Variants in UNC5C observed in about 807,000 individuals in gnomAD.
The protein encoded by UNC5C is netrin receptor UNC5C.
In UNC5C, 47 loss-of-function variants were observed where a neutral mutation model predicts 99.8. The observed-to-expected ratio is 0.47, with a 90% CI of 0.37 to 0.60. The LOEUF (loss-of-function observed/expected upper bound fraction) is 0.60. UNC5C is among the 20% of genes least tolerant of loss of function. The probability of loss-of-function intolerance (pLI) is 0.00; values close to 1 mark genes in which losing one functional copy is unlikely to be tolerated. For missense variants in UNC5C, 1,062 were observed against 1,165.9 expected (o/e 0.91, Z 1.30); for synonymous variants, 487 against 452.2 (o/e 1.08, Z -0.98).
chr4:95,458,963 G>T (rs1017458073), intron 1 of UNC5C, among the ~76,000 whole-genome samples: 2 of 151,982 alleles, frequency 1.3e-5, no homozygotes, highest in African/African-American at 2.4e-5. Flanking sequence ...ATTGGTGATT[G>T]CTCTAAAAAG....
At chr4:95,480,989 G>C (rs1472808699) in intron 1 of UNC5C, among the ~76,000 whole-genome samples, 1 of 150,374 alleles carries the variant, frequency 6.7e-6, no homozygotes, top group Non-Finnish European at 1.5e-5. Flanking sequence ...ATTCAACATA[G>C]TGTTGGAAGT....
chr4:95,237,543 CA>C (rs771876298), intron 7 of UNC5C, among the ~76,000 whole-genome samples: 1 of 152,116 alleles, frequency 6.6e-6, no homozygotes, highest in Non-Finnish European at 1.5e-5. Flanking sequence ...CAAACACTAT[CA>C]AACTGGTAAA....
Position 95,225,217 on chromosome 4 carries a change from C to T in UNC5C, c.1109-5041G>A, listed in dbSNP as rs116711945. Among the ~76,000 whole-genome samples, 481 of 152,148 alleles carry T rather than the reference C, an allele frequency of 3.2e-3. 4 individuals are homozygous for T. Among genetic ancestry groups the T allele is most frequent in the African/African-American group, 0.011 (460 of 41,504 alleles). ...GATTACAGGTGTGCACCACCATGTC[C>T]GGCTAATTTTGGTATTTTTACTAGA... On this transcript the variant is annotated intron_variant, in intron 7 of 15. Transcript: ENST00000453304.
intron 1 of UNC5C, among the ~76,000 whole-genome samples, chr4:95,348,436 G>A (rs143478117): frequency 2.6e-5 from 4 of 151,440 alleles, no homozygotes; most frequent in Non-Finnish European, 4.4e-5. Context: ...AAGGAAATCA[G>A]TATATTGAAG....
intron 1 of UNC5C, among the ~76,000 whole-genome samples, chr4:95,492,496 C>T (rs1466902471): frequency 1.3e-5 from 2 of 151,190 alleles, no homozygotes; most frequent in Non-Finnish European, 3.0e-5. Context: ...TTATGATAAC[C>T]ACGCATAAAA....
intron 1 of UNC5C, among the ~76,000 whole-genome samples, chr4:95,415,804 A>G (rs1437677812): frequency 6.6e-6 from 1 of 152,050 alleles, no homozygotes; most frequent in African/African-American, 2.4e-5. Flanking sequence ...TAAATTCAGA[A>G]AGTACAGGCG....
intron 1 of UNC5C, among the ~76,000 whole-genome samples, chr4:95,535,770 T>C (rs1560497765): frequency 6.6e-6 from 1 of 152,106 alleles, no homozygotes; most frequent in Non-Finnish European, 1.5e-5. Flanking sequence ...ATTTGATTCA[T>C]TTCCTATATC....
chr4:95,298,254 A>G (rs1331417833), intron 3 of UNC5C, among the ~76,000 whole-genome samples: 1 of 152,136 alleles, frequency 6.6e-6, no homozygotes, highest in Non-Finnish European at 1.5e-5. Flanking sequence ...TGAGGCTGCA[A>G]TGAGCTGTGT....
At chr4:95,374,840 G>A (rs1217530690) in intron 1 of UNC5C, among the ~76,000 whole-genome samples, 2 of 152,158 alleles carry the variant, frequency 1.3e-5, no homozygotes, top group East Asian at 1.9e-4. Context: ...TAATATATAT[G>A]TCATATAAAG....
intron 1 of UNC5C, among the ~76,000 whole-genome samples, chr4:95,410,974 A>T (rs1745969794): frequency 2.0e-5 from 3 of 152,218 alleles, no homozygotes; most frequent in Admixed American, 2.0e-4. Context: ...AAAGGGACAA[A>T]TGCTGCAATA....
chr4:95,470,258 A>T (rs1464825511), intron 1 of UNC5C, among the ~76,000 whole-genome samples: 1 of 152,154 alleles, frequency 6.6e-6, no homozygotes, highest in Non-Finnish European at 1.5e-5. Context: ...CCAAATTGCT[A>T]CAATCTCCAA....
At chr4:95,235,263 T>C (rs963912552) in intron 7 of UNC5C, among the ~76,000 whole-genome samples, 5 of 152,222 alleles carry the variant, frequency 3.3e-5, no homozygotes, top group Admixed American at 2.0e-4. Context: ...AAAAATGTCA[T>C]TTATTATTAT....
chr4:95,291,032 G>A (rs923942115), intron 3 of UNC5C, among the ~76,000 whole-genome samples: 9 of 151,996 alleles, frequency 5.9e-5, no homozygotes, highest in East Asian at 1.9e-4. Context: ...GCCATTCTTC[G>A]TTATTTCTTG....
At chr4:95,267,521 A>G (rs971198153) in intron 4 of UNC5C, among the ~76,000 whole-genome samples, 1 of 152,218 alleles carries the variant, frequency 6.6e-6, no homozygotes, top group African/African-American at 2.4e-5. Flanking sequence ...GATGATACAA[A>G]TACATAGCTG....
intron 1 of UNC5C, among the ~76,000 whole-genome samples, chr4:95,477,338 A>C (rs549135511): frequency 6.6e-6 from 1 of 152,186 alleles, no homozygotes; most frequent in East Asian, 1.9e-4. Flanking sequence ...GAGGAAAGAA[A>C]TTGCAACACT....
intron 12 of UNC5C, among the ~76,000 whole-genome samples, chr4:95,200,575 G>T (rs1236305451): frequency 2.0e-5 from 3 of 152,214 alleles, no homozygotes; most frequent in Non-Finnish European, 4.4e-5. Context: ...AAGATTAAAT[G>T]AGTTAATATA....
intron 1 of UNC5C, among the ~76,000 whole-genome samples, chr4:95,377,141 C>T (rs1035201897): frequency 2.6e-5 from 4 of 152,116 alleles, no homozygotes; most frequent in Admixed American, 2.0e-4. Context: ...ACAACAATGA[C>T]AAAAGGAGTA....
At chr4:95,384,517 G>C (rs1006554661) in intron 1 of UNC5C, among the ~76,000 whole-genome samples, 3 of 152,268 alleles carry the variant, frequency 2.0e-5, no homozygotes, top group South Asian at 2.1e-4. Flanking sequence ...TACGAAGAAC[G>C]TCCAGGAGTG....
chr4:95,215,981 C>G, intron 10 of UNC5C, 143 bp downstream of exon 10: 1 of 571,818 alleles, frequency 1.7e-6, no homozygotes, highest in Non-Finnish European at 2.9e-6. Flanking sequence ...AAAACCTGAC[C>G]TTTTGTAGGT....
Sources: gnomAD v4.1 joint callset for allele counts (sites outside exome capture counted in the v4.1 genomes callset) on GRCh38, gnomAD v4.1.1 for gene constraint, MANE v1.5 for transcripts, NCBI Gene and HGNC (gene_info 2026-07-23, HGNC 2026-07-21) for gene names.